Variants in SH3GL2 observed in about 807,000 individuals in gnomAD.
The protein encoded by SH3GL2 is endophilin-A1.
In SH3GL2, 24 loss-of-function variants were observed where a neutral mutation model predicts 46.0. The ratio of observed to expected loss-of-function variants is 0.52; its 90% CI spans 0.38 to 0.73. The LOEUF (loss-of-function observed/expected upper bound fraction) is 0.73. SH3GL2 is among the 30% of genes least tolerant of loss of function. The pLI, the probability that SH3GL2 is intolerant of heterozygous loss-of-function variation, is 0.00. For synonymous variants in SH3GL2, 196 were observed against 147.1 expected, an observed-to-expected ratio of 1.33 and a Z score of -2.40; for missense variants, 413 against 424.2, an observed-to-expected ratio of 0.97 and a Z score of 0.23.
intron 1 of SH3GL2, among the ~76,000 whole-genome samples, chr9:17,619,824 A>T (rs1204984837): frequency 6.6e-6 from 1 of 152,128 alleles, no homozygotes; most frequent in Non-Finnish European, 1.5e-5. Context: ...ATATCTGATT[A>T]TTTCTTTAGA....
chr9:17,717,847 A>G (rs950300064), intron 1 of SH3GL2, among the ~76,000 whole-genome samples: 3 of 152,080 alleles, frequency 2.0e-5, no homozygotes, highest in Non-Finnish European at 2.9e-5. Context: ...CAGCTGCTCC[A>G]TACCCATTAT....
chr9:17,732,673 G>C (rs1822216338), intron 1 of SH3GL2, among the ~76,000 whole-genome samples: 1 of 152,088 alleles, frequency 6.6e-6, no homozygotes, highest in Non-Finnish European at 1.5e-5. Flanking sequence ...GTGATAATAT[G>C]ATTCAATAGG....
chr9:17,747,037 T>TAA, intron 1 of SH3GL2, 29 bp from the exon 2 acceptor site: 1 of 1,470,250 alleles, frequency 6.8e-7, no homozygotes. Flanking sequence ...CTGTTTATAA[T>TAA]AATTCTCCTT....
rs118002769 is a variant in SH3GL2, at chr9:17,655,286, G to A, written c.45+75999G>A. Reference sequence around the variant, plus strand: ...CTTCCTTTCTCAAATAACCCCAGAAGGATGGCAAGGGGTGTACGTGCTGTG... The same window carrying A: ...CTTCCTTTCTCAAATAACCCCAGAAAGATGGCAAGGGGTGTACGTGCTGTG... On this transcript the variant is annotated intron_variant, in intron 1 of 8. Coordinates refer to ENST00000380607, the MANE Select transcript of SH3GL2 (RefSeq NM_003026.5). Among the ~76,000 whole-genome samples the A allele has an allele frequency of 2.0e-3, 297 of 152,218 alleles. 2 individuals carry two copies. In the East Asian group the frequency reaches 0.029, roughly 15 times the overall value.
chr9:17,787,254 C>G (rs1213686623), intron 4 of SH3GL2, 126 bp from the exon 5 acceptor site: 1 of 722,716 alleles, frequency 1.4e-6, no homozygotes, highest in Non-Finnish European at 2.4e-6. Context: ...GATACCTATT[C>G]TCTCTTGTCT....
intron 1 of SH3GL2, among the ~76,000 whole-genome samples, chr9:17,586,346 C>T (rs918760918): frequency 1.3e-5 from 2 of 152,152 alleles, no homozygotes; most frequent in African/African-American, 4.8e-5. Flanking sequence ...TGAAGGACCT[C>T]TAGGCAGTGT....
intron 1 of SH3GL2, among the ~76,000 whole-genome samples, chr9:17,666,920 G>A (rs1820359063): frequency 6.6e-6 from 1 of 152,136 alleles, no homozygotes; most frequent in Admixed American, 6.5e-5. Context: ...TCAACAGAAT[G>A]TGTTGTCAAA....
At chr9:17,738,334 G>A (rs76442070) in intron 1 of SH3GL2, among the ~76,000 whole-genome samples, 1,835 of 151,500 alleles carry the variant, frequency 0.012, 49 homozygotes, top group African/African-American at 0.042. Flanking sequence ...ACCTTGCATA[G>A]TACTTTCTCT....
intron 1 of SH3GL2, among the ~76,000 whole-genome samples, chr9:17,658,667 C>T (rs531420445): frequency 2.0e-5 from 3 of 152,172 alleles, no homozygotes; most frequent in South Asian, 4.1e-4. Context: ...GCATAGCAGG[C>T]TTTTTGCTGT....
intron 1 of SH3GL2, among the ~76,000 whole-genome samples, chr9:17,667,391 C>T (rs1023789464): frequency 2.6e-5 from 4 of 152,156 alleles, no homozygotes; most frequent in Non-Finnish European, 2.9e-5. Context: ...CACAAATCCC[C>T]TGACAGTCAC....
At chr9:17,788,448 A>G (rs1824024805) in intron 5 of SH3GL2, among the ~76,000 whole-genome samples, 1 of 152,066 alleles carries the variant, frequency 6.6e-6, no homozygotes, top group East Asian at 1.9e-4. Context: ...TCATTTTTTT[A>G]ACTACTCCCT....
intron 2 of SH3GL2, 61 bp downstream of exon 2, chr9:17,747,195 G>A (rs1362938828): frequency 1.8e-6 from 2 of 1,093,730 alleles, no homozygotes; most frequent in Non-Finnish European, 2.7e-6. Flanking sequence ...ATAATTAGAG[G>A]AGAAGAGAAA....
intron 1 of SH3GL2, among the ~76,000 whole-genome samples, chr9:17,621,684 C>A (rs1201662846): frequency 6.6e-6 from 1 of 152,160 alleles, no homozygotes; most frequent in Non-Finnish European, 1.5e-5. Context: ...GCTGTGAGGG[C>A]ACCTAGGACT....
intron 2 of SH3GL2, among the ~76,000 whole-genome samples, chr9:17,751,572 C>T (rs1003223917): frequency 6.6e-6 from 1 of 151,948 alleles, no homozygotes; most frequent in Non-Finnish European, 1.5e-5. Flanking sequence ...GTTCCCACCG[C>T]CCATGTTGGA....
At chr9:17,604,174 C>G (rs1011911082) in intron 1 of SH3GL2, among the ~76,000 whole-genome samples, 8 of 152,104 alleles carry the variant, frequency 5.3e-5, no homozygotes, top group Admixed American at 2.6e-4. Flanking sequence ...GTATTTACCC[C>G]CTCCTGCGTG....
intron 1 of SH3GL2, among the ~76,000 whole-genome samples, chr9:17,612,907 G>A (rs1818901094): frequency 6.6e-6 from 1 of 152,100 alleles, no homozygotes; most frequent in Non-Finnish European, 1.5e-5. Context: ...TTTTGGATTT[G>A]TCTATTCTGG....
At chr9:17,759,349 C>A (rs1259594711) in intron 2 of SH3GL2, among the ~76,000 whole-genome samples, 1 of 152,210 alleles carries the variant, frequency 6.6e-6, no homozygotes, top group Non-Finnish European at 1.5e-5. Context: ...CCTGCTGATG[C>A]TGTTTCACCG....
chr9:17,686,228 A>G (rs1588238896), intron 1 of SH3GL2, among the ~76,000 whole-genome samples: 13 of 124,708 alleles, frequency 1.0e-4, no homozygotes, highest in African/African-American at 1.6e-4. Context: ...GCAAATCAAA[A>G]CCACAATGAG....
intron 1 of SH3GL2, among the ~76,000 whole-genome samples, chr9:17,741,139 A>G (rs1033118088): frequency 1.3e-5 from 2 of 152,210 alleles, no homozygotes; most frequent in Non-Finnish European, 2.9e-5. Context: ...CTTAAAACCT[A>G]TGCATACTTA....
Sources: allele counts gnomAD v4.1 joint callset (sites outside exome capture counted in the v4.1 genomes callset), GRCh38; gene constraint gnomAD v4.1.1; transcripts MANE v1.5; gene names NCBI Gene and HGNC (gene_info 2026-07-23, HGNC 2026-07-21).